The following KCNQ1 variants were observed in gnomAD, a reference collection of about 807,000 sequenced individuals.
The protein encoded by KCNQ1 is potassium voltage-gated channel subfamily KQT member 1.
A neutral mutation model predicts 72.4 loss-of-function variants in KCNQ1; 49 were observed. The observed-to-expected ratio is 0.68, with a 90% CI of 0.54 to 0.86. The LOEUF (loss-of-function observed/expected upper bound fraction) is 0.86, where lower values mean the gene tolerates loss of function less well. Ranked by LOEUF, KCNQ1 falls within the 40% of genes least tolerant of loss-of-function variation. The pLI is 0.00. For missense variants in KCNQ1, 790 were observed against 945.1 expected (o/e 0.84, Z 2.15); for synonymous variants, 450 against 412.6 (o/e 1.09, Z -1.10).
intron 15 of KCNQ1, among the ~76,000 whole-genome samples, chr11:2,823,204 T>C (rs991810657): frequency 3.3e-5 from 5 of 152,066 alleles, no homozygotes; most frequent in African/African-American, 9.7e-5. Flanking sequence ...CTCAAAGAAG[T>C]AACAGGTGAT....
rs1397670759 is a variant in KCNQ1, at chr11:2,654,014, T to C, written c.1394-7947T>C. The stretch of plus-strand genomic sequence containing the variant: ...ACTGGGTGCCAGCTGTGAATATACA[T>C]TTTCACTCCATTCCTCGCCTTGTTC... On this transcript the variant is annotated intron_variant, in intron 10 of 15. Transcript: ENST00000155840. The surrounding 1 kb of genome is among the most constrained non-coding windows in gnomAD (Gnocchi z 6.4). 1 of 398,548 alleles carries C rather than the reference T, an allele frequency of 2.5e-6. No individual in the cohort carries two copies. Among genetic ancestry groups the C allele is most frequent in the Non-Finnish European group, 4.4e-6 (1 of 226,098 alleles). 24.7% of individuals were successfully genotyped at this position (398,548 alleles called of 1,614,324 possible).
Position 2,748,991 on chromosome 11 carries a change from G to A in KCNQ1, c.1515-19853G>A, listed in dbSNP as rs919122169. ...TATTCAAAATGGCGGGAGGGGCGAG[G>A]CCTCTGGAGCAAGGAAAGAGAGTGG... On this transcript the variant is annotated intron_variant, in intron 11 of 15. Coordinates refer to ENST00000155840, the MANE Select transcript of KCNQ1 (RefSeq NM_000218.3). This position sits in a 1 kb window ranked among gnomAD's most constrained non-coding sequence, Gnocchi z 6.2. 3.9e-5 allele frequency among the ~76,000 whole-genome samples: 6 copies of A among 152,246 alleles called. No individual in the cohort carries two copies. Among genetic ancestry groups the A allele is most frequent in the South Asian group, 2.1e-4 (1 of 4,836 alleles).
In KCNQ1 at chr11:2,723,727, G is replaced by T. The variant is rs1360109016; in HGVS notation, c.1515-45117G>T. On this transcript the variant is annotated intron_variant, in intron 11 of 15. Transcript: ENST00000155840. The surrounding 1 kb of genome is among the most constrained non-coding windows in gnomAD (Gnocchi z 4.2). The stretch of plus-strand genomic sequence containing the variant: ...TTGCTCCCGGAGAAGACCCTTGGCA[G>T]ACAGCCTCTCCTCTACTAGCTAGTG... Among the ~76,000 whole-genome samples the T allele has an allele frequency of 6.6e-6, 1 of 152,214 alleles. No individual in the cohort carries two copies. The highest frequency in any genetic ancestry group is 2.4e-5 in the African/African-American group (1 of 41,452).
rs1009905935 is a variant in KCNQ1, at chr11:2,458,170, C to T, written c.386+12686C>T. Among the ~76,000 whole-genome samples, 1 of 152,030 alleles carries T rather than the reference C, an allele frequency of 6.6e-6. No individual in the cohort carries two copies. Among genetic ancestry groups the T allele is most frequent in the Non-Finnish European group, 1.5e-5 (1 of 68,018 alleles). On this transcript the variant is annotated intron_variant, in intron 1 of 15. Transcript: ENST00000155840. The surrounding 1 kb of genome is among the most constrained non-coding windows in gnomAD (Gnocchi z 4.6). Reference sequence around the variant, plus strand: ...AACTTGAAGGGGTCCTTGTCTTCCCCCTTCTCCCCAAGCTGAAGATGCAGT... The same window carrying T: ...AACTTGAAGGGGTCCTTGTCTTCCCTCTTCTCCCCAAGCTGAAGATGCAGT...
chr11:2,697,137 A>G (rs1207554479), intron 11 of KCNQ1: 3 of 398,490 alleles, frequency 7.5e-6, no homozygotes, highest in Non-Finnish European at 1.3e-5. Flanking sequence ...GAGGCAGCAC[A>G]CCATGACCCC....
chr11:2,707,842 G>A (rs1420684481), intron 11 of KCNQ1, among the ~76,000 whole-genome samples: 1 of 152,232 alleles, frequency 6.6e-6, no homozygotes, highest in Non-Finnish European at 1.5e-5. Context: ...CTTGGTGTGA[G>A]GGACACAGCC....
chr11:2,835,969 T>C (rs117202283), intron 15 of KCNQ1, among the ~76,000 whole-genome samples: 2,255 of 150,170 alleles, frequency 0.015, 22 homozygotes, highest in Non-Finnish European at 0.024. Flanking sequence ...GTCCCAGGGG[T>C]CGGGGACAGG....
At chr11:2,792,354 G>A (rs1223489067) in intron 15 of KCNQ1, among the ~76,000 whole-genome samples, 15 of 152,228 alleles carry the variant, frequency 9.9e-5, no homozygotes, top group Non-Finnish European at 1.5e-4. Flanking sequence ...AGGAGTGGAT[G>A]GGGTGTGTGC....
chr11:2,553,407 A>G (rs570086478), intron 2 of KCNQ1, among the ~76,000 whole-genome samples: 125 of 152,212 alleles, frequency 8.2e-4, no homozygotes, highest in African/African-American at 2.9e-3. Context: ...GGGTTTTAGT[A>G]GAAGCCACTT....
intron 1 of KCNQ1, among the ~76,000 whole-genome samples, chr11:2,472,944 A>G (rs1046828595): frequency 2.6e-5 from 4 of 151,828 alleles, no homozygotes; most frequent in African/African-American, 7.3e-5. Context: ...CAGCACCGAG[A>G]TGGGCATGAG....
rs2237887 is a variant in KCNQ1, at chr11:2,789,803, C to T, written c.1794+11766C>T. On this transcript the variant is annotated intron_variant, in intron 15 of 15. Transcript: ENST00000155840. The stretch of plus-strand genomic sequence containing the variant: ...TCATTTCGAGGTGTTTCTTTTTCCC[C>T]CCAGTAAAGTGATGTCACGTGGAGG... 1.2e-4 allele frequency among the ~76,000 whole-genome samples: 19 copies of T among 152,256 alleles called. No homozygotes were observed. In the East Asian group the frequency reaches 3.7e-3, roughly 29 times the overall value.
chr11:2,615,742 A>G, intron 10 of KCNQ1: 1 of 398,108 alleles, frequency 2.5e-6, no homozygotes. Flanking sequence ...CCATGTGGTC[A>G]TGATATATAA....
intron 15 of KCNQ1, among the ~76,000 whole-genome samples, chr11:2,839,547 G>C (rs1431661692): frequency 6.6e-6 from 1 of 152,168 alleles, no homozygotes; most frequent in Non-Finnish European, 1.5e-5. Flanking sequence ...CCCCCTGGGG[G>C]CTATGACGAG....
chr11:2,626,166 G>A lies in KCNQ1; in HGVS notation c.1394-35795G>A. 1 of 398,208 alleles carries A rather than the reference G, an allele frequency of 2.5e-6. No homozygotes were observed. Among genetic ancestry groups the A allele is most frequent in the Non-Finnish European group, 4.4e-6 (1 of 226,028 alleles). 24.7% of individuals were successfully genotyped at this position (398,208 alleles called of 1,614,324 possible). A position where few individuals can be genotyped will look rare whatever the true frequency, so the allele number is the denominator to read the frequency against. ...CAATGATGTAAAGTTTTTCCCCTAT[G>A]TTTCCTTATAAGACTTCATAGTTTT... is the stretch of plus-strand genomic sequence containing the variant. On this transcript the variant is annotated intron_variant, in intron 10 of 15. Transcript: ENST00000155840. This position sits in a 1 kb window ranked among gnomAD's most constrained non-coding sequence, Gnocchi z 4.0.
rs968222699 is a variant in KCNQ1 at position 2,462,298 on chromosome 11, G to A, written c.386+16814G>A. On this transcript the variant is annotated intron_variant, in intron 1 of 15. Coordinates refer to ENST00000155840, the MANE Select transcript of KCNQ1 (RefSeq NM_000218.3). This position sits in a 1 kb window ranked among gnomAD's most constrained non-coding sequence, Gnocchi z 8.2. ...GAGTGTGGCTGTGGACGAGGGCAGCGTCGCCATCAGAGGCGATGTCTAGGG... is the reference window on the plus strand; with the variant it reads ...GAGTGTGGCTGTGGACGAGGGCAGCATCGCCATCAGAGGCGATGTCTAGGG... Among the ~76,000 whole-genome samples the A allele has an allele frequency of 1.3e-5, 2 of 152,182 alleles. No homozygotes were observed. Among genetic ancestry groups the A allele is most frequent in the African/African-American group, 2.4e-5 (1 of 41,434 alleles).
At position 2,642,775 on chromosome 11, in the gene KCNQ1, T is replaced by C. The variant is rs1007384636; in HGVS notation, c.1394-19186T>C. On this transcript the variant is annotated intron_variant, in intron 10 of 15. Coordinates refer to ENST00000155840, the MANE Select transcript of KCNQ1 (RefSeq NM_000218.3). This position sits in a 1 kb window ranked among gnomAD's most constrained non-coding sequence, Gnocchi z 4.3. ...TCATTAGATTATTTAAGATCTTTTC[T>C]ACCTTTTTTAATGGAGGCATTTATT... is the stretch of plus-strand genomic sequence containing the variant. 2 of 397,890 alleles carry C rather than the reference T, an allele frequency of 5.0e-6. No homozygotes were observed. The highest frequency in any genetic ancestry group is 8.9e-6 in the Non-Finnish European group (2 of 225,674). The allele number at this position is 397,890 out of a possible 1,614,324, so 24.6% of individuals were successfully genotyped here.
rs756267843 is a variant in KCNQ1 at position 2,703,134 on chromosome 11, G to A, written c.1514+41053G>A. Among the ~76,000 whole-genome samples, 8 of 152,242 alleles carry A rather than the reference G, an allele frequency of 5.3e-5. No individual in the cohort carries two copies. The highest frequency in any genetic ancestry group is 7.3e-5 in the Non-Finnish European group (5 of 68,036). The stretch of plus-strand genomic sequence containing the variant: ...TGGGGGCTGCCAGGCAGGCTGGGAG[G>A]TGAGCCCAGGGCTGGCCTTGGGCAC... On this transcript the variant is annotated intron_variant, in intron 11 of 15. Transcript: ENST00000155840. This position sits in a 1 kb window ranked among gnomAD's most constrained non-coding sequence, Gnocchi z 6.4.
rs1486024823 is a variant in KCNQ1, at chr11:2,475,817, C to T, written c.386+30333C>T. On this transcript the variant is annotated intron_variant, in intron 1 of 15. Transcript: ENST00000155840. The surrounding 1 kb of genome is among the most constrained non-coding windows in gnomAD (Gnocchi z 5.8). ...TTTTAAAAAGAGGCATTCCGCTACA[C>T]AAGCTCTCTCATGTTTTGCCTGCCA... Among the ~76,000 whole-genome samples, 1 of 152,220 alleles carries T rather than the reference C, an allele frequency of 6.6e-6. No homozygotes were observed. The highest frequency in any genetic ancestry group is 2.4e-5 in the African/African-American group (1 of 41,464).
In KCNQ1 at chr11:2,563,539, C is replaced by T. The variant is rs987504253; in HGVS notation, c.478-7089C>T. Among the ~76,000 whole-genome samples, 2 of 152,232 alleles carry T rather than the reference C, an allele frequency of 1.3e-5. No individual in the cohort carries two copies. The highest frequency in any genetic ancestry group is 6.5e-5 in the Admixed American group (1 of 15,290). On this transcript the variant is annotated intron_variant, in intron 2 of 15. Transcript: ENST00000155840. This position sits in a 1 kb window ranked among gnomAD's most constrained non-coding sequence, Gnocchi z 7.4. Reference sequence around the variant, plus strand: ...GCTTCCATTTTCCTTCCGCACCATGCACTGATTTCCCCTGGGTTGAGGTTG... The same window carrying T: ...GCTTCCATTTTCCTTCCGCACCATGTACTGATTTCCCCTGGGTTGAGGTTG...
Sources: gnomAD v4.1 joint callset for allele counts (sites outside exome capture counted in the v4.1 genomes callset) on GRCh38, gnomAD v4.1.1 for gene constraint, Gnocchi (gnomAD v3.1) non-coding constraint, MANE v1.5 for transcripts, NCBI Gene and HGNC (gene_info 2026-07-23, HGNC 2026-07-21) for gene names.